BIRC6: variants seen among roughly 807,000 people sequenced by gnomAD.
BIRC6 encodes the protein baculoviral IAP repeat containing 6.
Under a neutral mutation model 503.3 loss-of-function variants are expected in BIRC6, and 98 were observed. The observed-to-expected ratio is 0.19, with a 90% CI of 0.17 to 0.23. The LOEUF (loss-of-function observed/expected upper bound fraction) is 0.23, where lower values mean the gene tolerates loss of function less well. Ranked by LOEUF, BIRC6 falls within the 10% of genes least tolerant of loss-of-function variation. The pLI, the probability that BIRC6 is intolerant of heterozygous loss-of-function variation, is 1.00. For missense variants in BIRC6, 5,360 were observed against 5,806.0 expected, an observed-to-expected ratio of 0.92 and a Z score of 2.50; for synonymous variants, 2,240 against 2,078.7, an observed-to-expected ratio of 1.08 and a Z score of -2.11.
At chr2:32,430,826 T>TTTTA in intron 11 of BIRC6, 39 bp from the exon 12 acceptor site, 1 of 939,274 alleles carries the variant, frequency 1.1e-6, no homozygotes, top group Non-Finnish European at 1.6e-6. Flanking sequence ...TTTTTTTTTT[T>TTTTA]CCACACCTAT....
chr2:32,540,401 T>C (rs1008108830), intron 61 of BIRC6, among the ~76,000 whole-genome samples: 4 of 152,002 alleles, frequency 2.6e-5, no homozygotes, highest in African/African-American at 7.2e-5. Context: ...TTTAAAATAA[T>C]TTATTTGTGT....
chr2:32,457,127 A>C lies in BIRC6; in HGVS notation c.4753+3185A>C, dbSNP rs146820068. Among the ~76,000 whole-genome samples, 299 of 152,200 alleles carry C rather than the reference A, an allele frequency of 2.0e-3. 3 individuals carry two copies. In the East Asian group the frequency reaches 0.036, roughly 18 times the overall value. On this transcript the variant is annotated intron_variant, in intron 23 of 73. Transcript: ENST00000421745. The stretch of plus-strand genomic sequence containing the variant: ...ACCTCGTCTGATGTTTACTTAGCTA[A>C]CACCAGCCTTCTTTGGCTGCTATTT...
chr2:32,499,499 A>G (rs1558897859), intron 45 of BIRC6, 48 bp from the exon 46 acceptor site: 5 of 1,236,376 alleles, frequency 4.0e-6, no homozygotes, highest in Middle Eastern at 2.0e-4. Context: ...CTCTTGTTGT[A>G]TCTCTCTCTC....
intron 1 of BIRC6, among the ~76,000 whole-genome samples, chr2:32,373,751 A>G (rs2036309707): frequency 6.6e-6 from 1 of 152,232 alleles, no homozygotes; most frequent in South Asian, 2.1e-4. Context: ...TGTACCTCAA[A>G]GAATTGAAAG....
At chr2:32,465,799 T>A (rs1176579290) in intron 26 of BIRC6, among the ~76,000 whole-genome samples, 2 of 152,242 alleles carry the variant, frequency 1.3e-5, no homozygotes, top group Non-Finnish European at 2.9e-5. Context: ...TAGTATACAC[T>A]GTAGCATGTA....
rs1314942457 is a variant in BIRC6, at chr2:32,513,113, A to G, written c.10527A>G (p.Val3509=). ...AILWHSYELL[V]EYDLPALLDQ... is the part of the protein sequence containing the mutation. The stretch of plus-strand genomic sequence containing the variant: ...TGTGGCATAGTTATGAGCTGCTTGT[A>G]GAATATGACTTACCAGCACTCCTGG... Residue 3509 remains valine, a synonymous_variant, in exon 54 of 74, where the codon GTA becomes GTG. Transcript: ENST00000421745. 6.2e-7 allele frequency: 1 copy of G among 1,613,892 alleles called. No individual in the cohort carries two copies. The highest frequency in any genetic ancestry group is 1.7e-5 in the Admixed American group (1 of 60,022).
At chr2:32,559,332 G>A (rs1269663108) in intron 65 of BIRC6, among the ~76,000 whole-genome samples, 1 of 152,214 alleles carries the variant, frequency 6.6e-6, no homozygotes, top group Non-Finnish European at 1.5e-5. Flanking sequence ...GAGTAAAGGA[G>A]CTGCAAGCTG....
At chr2:32,432,393 G>T (rs1558706511) in intron 12 of BIRC6, among the ~76,000 whole-genome samples, 3 of 152,062 alleles carry the variant, frequency 2.0e-5, no homozygotes, top group Non-Finnish European at 4.4e-5. Context: ...CTCCAGCCTG[G>T]GCTACAGAGT....
chr2:32,522,310 G>T (rs1457539189), intron 57 of BIRC6: 1 of 151,700 alleles, frequency 6.6e-6, no homozygotes, highest in African/African-American at 2.4e-5. Context: ...TTTTTGGGGT[G>T]CTGAATATTT....
chr2:32,517,719 A>C (rs2055206943), intron 55 of BIRC6, among the ~76,000 whole-genome samples: 1 of 151,922 alleles, frequency 6.6e-6, no homozygotes. Context: ...GACTACTGGC[A>C]CATGCCACCA....
At chr2:32,602,651 C>T in intron 70 of BIRC6, 1 of 187,040 alleles carries the variant, frequency 5.3e-6, no homozygotes, top group Non-Finnish European at 1.1e-5. Context: ...GATCATTACA[C>T]ATTGTATACA....
At chr2:32,419,642 A>T in intron 10 of BIRC6, among the ~76,000 whole-genome samples, 1 of 150,512 alleles carries the variant, frequency 6.6e-6, no homozygotes, top group Non-Finnish European at 1.5e-5. Context: ...TAAAAAATAA[A>T]GTTTTTTAAA....
intron 47 of BIRC6, among the ~76,000 whole-genome samples, chr2:32,502,140 T>C (rs972385748): frequency 3.3e-5 from 5 of 152,192 alleles, no homozygotes; most frequent in Non-Finnish European, 5.9e-5. Flanking sequence ...TTTTTTAATA[T>C]AGTCTCAAGA....
At position 32,478,973 on chromosome 2, in the gene BIRC6, C is replaced by A. The variant is rs185271509; in HGVS notation, c.7252+155C>A. 5.1e-4 allele frequency among the ~76,000 whole-genome samples: 78 copies of A among 152,270 alleles called. No homozygotes were observed. In the East Asian group the frequency reaches 0.014, roughly 28 times the overall value. ...CGGTGTGATGTTATAGCAGTAGCAA[C>A]CATTGAAAATTACTTTTGTATTTAA... On this transcript the variant is annotated intron_variant, in intron 36 of 73. Transcript: ENST00000421745.
At chr2:32,553,448 T>C (rs1225314408) in intron 65 of BIRC6, among the ~76,000 whole-genome samples, 1 of 151,836 alleles carries the variant, frequency 6.6e-6, no homozygotes, top group Non-Finnish European at 1.5e-5. Flanking sequence ...AGTGCAGTGA[T>C]ATGATCTTGG....
At chr2:32,365,921 G>C (rs755598773) in intron 1 of BIRC6, among the ~76,000 whole-genome samples, 9 of 151,652 alleles carry the variant, frequency 5.9e-5, no homozygotes, top group Non-Finnish European at 1.2e-4. Flanking sequence ...TTCTTGCTCT[G>C]TTGCCCAGGC....
rs375803917 is a variant in BIRC6 at position 32,616,953 on chromosome 2, A to G, written c.14395-772A>G. Among the ~76,000 whole-genome samples, 163 of 152,104 alleles carry G rather than the reference A, an allele frequency of 1.1e-3. 1 individual carries two copies. Among genetic ancestry groups the G allele is most frequent in the African/African-American group, 3.9e-3 (160 of 41,490 alleles). ...ACCCCATCTGTGTAAAAAATTAGCTAGGCATGGTGCTTCATTCCTGTAGTC... is the reference window on the plus strand; with the variant it reads ...ACCCCATCTGTGTAAAAAATTAGCTGGGCATGGTGCTTCATTCCTGTAGTC... On this transcript the variant is annotated intron_variant, in intron 73 of 73. Transcript: ENST00000421745.
At chr2:32,548,286 A>G (rs1489299994) in intron 64 of BIRC6, among the ~76,000 whole-genome samples, 3 of 122,644 alleles carry the variant, frequency 2.4e-5, no homozygotes, top group South Asian at 5.2e-4. Flanking sequence ...TCCTACAGGC[A>G]TTTTCTTGTT....
chr2:32,515,637 G>T lies in BIRC6; in HGVS notation c.11216G>T (p.Arg3739Ile), dbSNP rs1460447478. Residue 3739 changes from arginine (R) to isoleucine (I), a missense_variant, in exon 55 of 74, where the codon AGA (arginine) becomes ATA (isoleucine). By Grantham distance (97) the Arg-to-Ile change is moderately conservative. This residue lies in a region of BIRC6 where 878 missense variants were observed against 928.9 expected (regional missense o/e 0.95). Transcript: ENST00000421745. ...HNLGAQQTSA[R>I]SASLSSAATT... ...TTAGGTGCACAACAGACCAGTGCAA[G>T]ATCAGCTTCTCTTTCTTCAGCTGCT... The T allele has an allele frequency of 1.2e-6, 2 of 1,612,544 alleles. No homozygotes were observed. The highest frequency in any genetic ancestry group is 8.5e-7 in the Non-Finnish European group (1 of 1,179,876).
Sources: allele counts gnomAD v4.1 joint callset (sites outside exome capture counted in the v4.1 genomes callset), GRCh38; gene constraint gnomAD v4.1.1; regional missense constraint gnomAD v4.1.1; transcripts MANE v1.5; gene names NCBI Gene and HGNC (gene_info 2026-07-23, HGNC 2026-07-21).